Variants in NTRK3 observed in about 807,000 individuals in gnomAD.
NTRK3 encodes the protein NT-3 growth factor receptor.
NTRK3 carries 24 observed loss-of-function variants against 91.7 expected under a neutral mutation model. The observed-to-expected ratio is 0.26, with a 90% CI of 0.19 to 0.37. The LOEUF is 0.37. NTRK3 is among the 10% of genes least tolerant of loss of function. NTRK3 has a pLI of 1.00. For missense variants in NTRK3, 880 were observed against 1,068.9 expected (o/e 0.82, Z 2.46); for synonymous variants, 483 against 404.0 (o/e 1.20, Z -2.34).
chr15:88,050,364 G>C (rs2080703236), intron 13 of NTRK3, among the ~76,000 whole-genome samples: 1 of 152,100 alleles, frequency 6.6e-6, no homozygotes, highest in South Asian at 2.1e-4. Context: ...AATGGGCCTA[G>C]GTACCATTCC....
chr15:87,878,466 A>C (rs2065054631), intron 18 of NTRK3, among the ~76,000 whole-genome samples: 1 of 152,172 alleles, frequency 6.6e-6, no homozygotes, highest in African/African-American at 2.4e-5. Flanking sequence ...CAGCCTGATA[A>C]GTCTCCAGCT....
intron 3 of NTRK3, among the ~76,000 whole-genome samples, 167 bp from the exon 4 acceptor site, chr15:88,184,466 G>A (rs1234701970): frequency 6.6e-6 from 1 of 152,276 alleles, no homozygotes; most frequent in Middle Eastern, 3.4e-3. Context: ...TGCGTGGTGG[G>A]GTTCACACCG....
chr15:87,898,005 G>A (rs538473426), intron 17 of NTRK3, among the ~76,000 whole-genome samples: 15 of 152,306 alleles, frequency 9.8e-5, no homozygotes, highest in East Asian at 1.9e-4. Context: ...CTCAGAACAT[G>A]TGCAGAAATT....
At chr15:88,218,662 G>C (rs1022842358) in intron 3 of NTRK3, among the ~76,000 whole-genome samples, 1 of 152,190 alleles carries the variant, frequency 6.6e-6, no homozygotes, top group Admixed American at 6.5e-5. Context: ...TGGGGACCTT[G>C]GGAAGCATTA....
intron 5 of NTRK3, among the ~76,000 whole-genome samples, chr15:88,168,525 C>G (rs1335955841): frequency 2.0e-5 from 3 of 152,184 alleles, no homozygotes; most frequent in Non-Finnish European, 4.4e-5. Context: ...GTTTTCTTTT[C>G]CACACAATAA....
intron 13 of NTRK3, among the ~76,000 whole-genome samples, chr15:88,073,532 C>T (rs575579587): frequency 6.6e-6 from 1 of 152,142 alleles, no homozygotes; most frequent in African/African-American, 2.4e-5. Context: ...TACATCCTGC[C>T]GCCCCTTCTT....
chr15:88,069,409 G>A (rs2046922040), intron 13 of NTRK3, among the ~76,000 whole-genome samples: 1 of 152,066 alleles, frequency 6.6e-6, no homozygotes, highest in Non-Finnish European at 1.5e-5. Context: ...TATTAATTAA[G>A]ACTACCAGAA....
chr15:88,083,933 C>G (rs2048279415), intron 13 of NTRK3, among the ~76,000 whole-genome samples: 3 of 151,922 alleles, frequency 2.0e-5, no homozygotes, highest in Non-Finnish European at 2.9e-5. Flanking sequence ...TGTCCCAGAC[C>G]CTGGCAGAGA....
chr15:88,011,283 A>C (rs1192643428), intron 14 of NTRK3, among the ~76,000 whole-genome samples: 1 of 152,152 alleles, frequency 6.6e-6, no homozygotes, highest in African/African-American at 2.4e-5. Context: ...TTCATCACCA[A>C]CAGAAAGCTC....
At chr15:87,939,495 C>T (rs527792694) in intron 15 of NTRK3, among the ~76,000 whole-genome samples, 3 of 152,328 alleles carry the variant, frequency 2.0e-5, no homozygotes, top group African/African-American at 4.8e-5. Flanking sequence ...ACTGTATTGC[C>T]TTCATTCTTC....
chr15:88,226,162 A>G (rs1359375786), intron 3 of NTRK3, among the ~76,000 whole-genome samples: 1 of 152,148 alleles, frequency 6.6e-6, no homozygotes, highest in Non-Finnish European at 1.5e-5. Context: ...GGAGTGAGCC[A>G]GACCGTCTCT....
intron 3 of NTRK3, among the ~76,000 whole-genome samples, chr15:88,219,818 A>G (rs1029078436): frequency 1.3e-5 from 2 of 152,190 alleles, no homozygotes; most frequent in African/African-American, 4.8e-5. Flanking sequence ...CTCTCAGCCC[A>G]TGCTCTCTGC....
intron 13 of NTRK3, among the ~76,000 whole-genome samples, chr15:88,093,307 AG>A (rs1340181695): frequency 1.3e-5 from 2 of 152,010 alleles, no homozygotes; most frequent in Non-Finnish European, 2.9e-5. Flanking sequence ...AAAAAAAGGG[AG>A]GGGGGAAGGA....
At chr15:88,101,574 T>G (rs974762854) in intron 13 of NTRK3, among the ~76,000 whole-genome samples, 1 of 152,196 alleles carries the variant, frequency 6.6e-6, no homozygotes, top group Admixed American at 6.5e-5. Flanking sequence ...ACTCGTATGT[T>G]TATCGCGGCA....
At chr15:87,999,600 C>T (rs753315057) in intron 14 of NTRK3, among the ~76,000 whole-genome samples, 4 of 152,134 alleles carry the variant, frequency 2.6e-5, no homozygotes, top group Non-Finnish European at 4.4e-5. Context: ...AGATATTTCC[C>T]TGGGAGGAAT....
At chr15:88,089,134 G>T (rs1240453000) in intron 13 of NTRK3, among the ~76,000 whole-genome samples, 8 of 151,190 alleles carry the variant, frequency 5.3e-5, no homozygotes, top group African/African-American at 2.0e-4. Context: ...TCCTTAGTGT[G>T]GTATGACGGG....
At chr15:87,968,149 T>C (rs2072947512) in intron 14 of NTRK3, among the ~76,000 whole-genome samples, 1 of 152,232 alleles carries the variant, frequency 6.6e-6, no homozygotes, top group Non-Finnish European at 1.5e-5. Flanking sequence ...TCCAGACATG[T>C]GATGATGTCA....
chr15:87,909,699 G>A (rs2066974821), intron 17 of NTRK3, among the ~76,000 whole-genome samples: 1 of 152,172 alleles, frequency 6.6e-6, no homozygotes, highest in African/African-American at 2.4e-5. Flanking sequence ...ACTGTATTTG[G>A]AGAGAGAGCC....
chr15:88,056,175 C>CAT (rs71462431), intron 13 of NTRK3, among the ~76,000 whole-genome samples: 212 of 57,238 alleles, frequency 3.7e-3, no homozygotes, highest in Admixed American at 5.6e-3. Context: ...AGACTGTTTT[C>CAT]ATATATATAT....
Sources: gnomAD v4.1 joint callset for allele counts (sites outside exome capture counted in the v4.1 genomes callset) on GRCh38, gnomAD v4.1.1 for gene constraint, MANE v1.5 for transcripts, NCBI Gene and HGNC (gene_info 2026-07-23, HGNC 2026-07-21) for gene names.